Variants in ETS1 observed in about 807,000 individuals in gnomAD.
ETS1 encodes the protein protein C-ets-1.
A neutral mutation model predicts 58.6 loss-of-function variants in ETS1; 15 were observed. The observed-to-expected ratio is 0.26, with a 90% CI of 0.17 to 0.39. The LOEUF is 0.39. ETS1 is among the 10% of genes least tolerant of loss of function. ETS1 has a pLI of 1.00. For synonymous variants in ETS1, 214 were observed against 218.2 expected, an observed-to-expected ratio of 0.98 and a Z score of 0.17; for missense variants, 417 against 610.5, an observed-to-expected ratio of 0.68 and a Z score of 3.34.
chr11:128,550,577 A>T (rs1864213402), intron 3 of ETS1, among the ~76,000 whole-genome samples: 1 of 152,044 alleles, frequency 6.6e-6, no homozygotes, highest in Non-Finnish European at 1.5e-5. Flanking sequence ...TGGGATGGGG[A>T]TATATGGCAA....
chr11:128,558,583 T>C (rs1864352097), intron 2 of ETS1, among the ~76,000 whole-genome samples: 1 of 142,668 alleles, frequency 7.0e-6, no homozygotes, highest in African/African-American at 2.6e-5. Flanking sequence ...AGGTGGAGTT[T>C]GCAGTGAGCC....
intron 1 of ETS1, among the ~76,000 whole-genome samples, chr11:128,585,543 A>G (rs1426214422): frequency 6.6e-6 from 1 of 152,204 alleles, no homozygotes; most frequent in Non-Finnish European, 1.5e-5. Context: ...AGTGCAATCA[A>G]AGAGAGAAAT....
intron 3 of ETS1, among the ~76,000 whole-genome samples, chr11:128,519,183 T>C (rs1252115496): frequency 6.6e-6 from 1 of 152,264 alleles, no homozygotes; most frequent in African/African-American, 2.4e-5. Flanking sequence ...TCAGAGTATA[T>C]GTTAATTTAG....
chr11:128,558,664 AAAAAAAAAAAAAAAAAAAAAG>A (rs1565409575), intron 2 of ETS1, among the ~76,000 whole-genome samples: 2 of 3,714 alleles, frequency 5.4e-4, no homozygotes, highest in African/African-American at 2.8e-3. Context: ...AAAAAAAAAA[AAAAAAAAAAAAAAAAAAAAAG>A]AGAGAGAGAG....
intron 2 of ETS1, 86 bp from the exon 3 acceptor site, chr11:128,556,521 A>G: frequency 1.2e-6 from 1 of 860,858 alleles, no homozygotes; most frequent in Non-Finnish European, 1.7e-6. Context: ...ATATTATCCA[A>G]TCACATGTAA....
chr11:128,509,760 A>C (rs1030813631), intron 3 of ETS1, among the ~76,000 whole-genome samples: 2 of 152,168 alleles, frequency 1.3e-5, no homozygotes, highest in Admixed American at 6.5e-5. Flanking sequence ...CTAAGTAGGA[A>C]GGCCTTGGCA....
intron 2 of ETS1, among the ~76,000 whole-genome samples, chr11:128,556,782 T>G (rs1864319781): frequency 6.6e-6 from 1 of 152,186 alleles, no homozygotes; most frequent in Non-Finnish European, 1.5e-5. Flanking sequence ...AATGGTACCT[T>G]ACTCTGTAAA....
At chr11:128,583,444 G>A (rs997542730) in intron 1 of ETS1, among the ~76,000 whole-genome samples, 3 of 152,168 alleles carry the variant, frequency 2.0e-5, no homozygotes, top group African/African-American at 4.8e-5. Context: ...ACTGGCAATG[G>A]TGCTTTCTCC....
intron 3 of ETS1, among the ~76,000 whole-genome samples, chr11:128,544,331 T>C (rs187639218): frequency 3.1e-4 from 31 of 99,110 alleles, no homozygotes; most frequent in African/African-American, 1.1e-3. Context: ...AAGTGATTAA[T>C]TGTTTACTAA....
chr11:128,557,709 T>C (rs930409677), intron 2 of ETS1, among the ~76,000 whole-genome samples: 1 of 152,160 alleles, frequency 6.6e-6, no homozygotes, highest in Non-Finnish European at 1.5e-5. Context: ...TGCACCTTCA[T>C]AAAAACCCCA....
At chr11:128,556,252 A>C in intron 3 of ETS1, 39 bp downstream of exon 3, 1 of 1,562,002 alleles carries the variant, frequency 6.4e-7, no homozygotes, top group Non-Finnish European at 8.7e-7. Context: ...ATTGTCCTTC[A>C]ACTCTATCCT....
chr11:128,569,434 G>A (rs1864582251), intron 2 of ETS1, among the ~76,000 whole-genome samples: 1 of 148,344 alleles, frequency 6.7e-6, no homozygotes, highest in African/African-American at 2.5e-5. Flanking sequence ...CTCTGGACAG[G>A]GAGGCTCCAA....
intron 3 of ETS1, among the ~76,000 whole-genome samples, chr11:128,504,694 A>AT (rs1193936567): frequency 9.9e-5 from 15 of 151,754 alleles, no homozygotes; most frequent in African/African-American, 1.2e-4. Flanking sequence ...CCCTCTCAGG[A>AT]TTTTTTTTTC....
rs1334445118 is a variant in ETS1 at position 128,549,933 on chromosome 11, G to A, written c.214+6358C>T. On this transcript the variant is annotated intron_variant, in intron 3 of 9. Transcript: ENST00000392668. This position sits in a 1 kb window ranked among gnomAD's most constrained non-coding sequence, Gnocchi z 4.3. ...AGTGGGCAGGACTCAGATGTGAGTG[G>A]GCATCTGGTTTCTTCGATTCACCTA... Among the ~76,000 whole-genome samples the A allele has an allele frequency of 6.6e-6, 1 of 152,132 alleles. No homozygotes were observed. The highest frequency in any genetic ancestry group is 1.5e-5 in the Non-Finnish European group (1 of 68,026).
intron 3 of ETS1, among the ~76,000 whole-genome samples, chr11:128,553,028 T>A (rs1864256668): frequency 6.6e-6 from 1 of 151,386 alleles, no homozygotes; most frequent in Non-Finnish European, 1.5e-5. Context: ...GGTCAGTGGC[T>A]CCACTCCAGT....
intron 5 of ETS1, among the ~76,000 whole-genome samples, chr11:128,487,732 C>T (rs1291845835): frequency 6.6e-6 from 1 of 151,896 alleles, no homozygotes; most frequent in Non-Finnish European, 1.5e-5. Flanking sequence ...GAGCAAGACT[C>T]TGTCTCAAAA....
intron 3 of ETS1, among the ~76,000 whole-genome samples, chr11:128,501,343 A>G (rs974915536): frequency 6.6e-6 from 1 of 152,196 alleles, no homozygotes; most frequent in African/African-American, 2.4e-5. Context: ...CACTGATCTA[A>G]CAGCCTAACT....
chr11:128,585,507 C>T (rs1298772734), intron 1 of ETS1, among the ~76,000 whole-genome samples: 1 of 152,134 alleles, frequency 6.6e-6, no homozygotes, highest in African/African-American at 2.4e-5. Context: ...TACATCAGAA[C>T]CTCAGTTATC....
Position 128,486,129 on chromosome 11 carries a change from G to C in ETS1, c.553C>G (p.Gln185Glu), listed in dbSNP as rs1158324645. ...ILQKEDVKPY[Q>E]VNGVNPAYPE... ...TAGGCTGGGTTGACTCCATTAACTT[G>C]ATATGGTTTCACATCCTCTGTAATG... The change falls in exon 6 of 10, where the codon CAA (glutamine) becomes GAA (glutamate). Residue 185 changes from glutamine to glutamate, a missense_variant. By Grantham distance (29) the Gln-to-Glu change is conservative. Around this residue, in one of 4 missense-constraint regions of ETS1, gnomAD observed 132 missense variants for 212.1 expected, o/e 0.62. Coordinates refer to ENST00000392668, the MANE Select transcript of ETS1 (RefSeq NM_001143820.2). 6.2e-7 allele frequency: 1 copy of C among 1,607,880 alleles called. No homozygotes were observed. The highest frequency in any genetic ancestry group is 1.3e-5 in the African/African-American group (1 of 74,698).
Sources: allele counts gnomAD v4.1 joint callset (sites outside exome capture counted in the v4.1 genomes callset), GRCh38; gene constraint gnomAD v4.1.1; regional missense constraint gnomAD v4.1.1; non-coding constraint Gnocchi (gnomAD v3.1); transcripts MANE v1.5; gene names NCBI Gene and HGNC (gene_info 2026-07-23, HGNC 2026-07-21).